Variants in CNTNAP4 observed in about 807,000 individuals in gnomAD.
CNTNAP4 encodes contactin associated protein family member 4.
A neutral mutation model predicts 148.4 loss-of-function variants in CNTNAP4; 98 were observed. The ratio of observed to expected loss-of-function variants is 0.66; its 90% confidence interval spans 0.56 to 0.78. CNTNAP4 has a LOEUF of 0.78. CNTNAP4 is among the 30% of genes least tolerant of loss of function. The pLI is 0.00. For synonymous variants in CNTNAP4, 730 were observed against 565.1 expected (o/e 1.29, Z -4.14); for missense variants, 1,935 against 1,565.6 (o/e 1.24, Z -3.98).
chr16:76,541,162 T>C (rs1355579837), intron 21 of CNTNAP4, among the ~76,000 whole-genome samples: 2 of 152,244 alleles, frequency 1.3e-5, no homozygotes, highest in Non-Finnish European at 2.9e-5. Flanking sequence ...AAACTAAGAT[T>C]AGATTTAAAA....
At chr16:76,526,784 C>T (rs1255671661) in intron 17 of CNTNAP4, among the ~76,000 whole-genome samples, 2 of 152,078 alleles carry the variant, frequency 1.3e-5, no homozygotes, top group Non-Finnish European at 2.9e-5. Context: ...AGGGATTCTC[C>T]CACCTCAGCC....
chr16:76,490,970 G>A (rs1007489686), intron 13 of CNTNAP4, among the ~76,000 whole-genome samples: 1 of 152,028 alleles, frequency 6.6e-6, no homozygotes. Flanking sequence ...AAAGAAATTT[G>A]TTTCGTATAG....
intron 2 of CNTNAP4, among the ~76,000 whole-genome samples, chr16:76,318,063 T>G (rs994017537): frequency 1.5e-4 from 23 of 152,186 alleles, no homozygotes; most frequent in Non-Finnish European, 7.4e-5. Context: ...CCCTGACCCA[T>G]CAGGGGACTT....
At chr16:76,300,599 A>G (rs1959856349) in intron 1 of CNTNAP4, among the ~76,000 whole-genome samples, 1 of 152,350 alleles carries the variant, frequency 6.6e-6, no homozygotes, top group South Asian at 2.1e-4. Flanking sequence ...AAATGAGACC[A>G]ATGTCATCAG....
At position 76,442,182 on chromosome 16, in the gene CNTNAP4, T is replaced by G. The variant is rs149339860; in HGVS notation, c.539-5830T>G. ...AGGGAGAGAGGGAAAGAAAGGAAGA[T>G]TTGAAGATGCTGTGACACTGGTCAC... On this transcript the variant is annotated intron_variant, in intron 4 of 23. Transcript: ENST00000611870. 9.5e-4 allele frequency among the ~76,000 whole-genome samples: 145 copies of G among 151,904 alleles called. 1 individual carries two copies. The highest frequency in any genetic ancestry group is 3.4e-3 in the African/African-American group (139 of 41,400).
chr16:76,477,870 C>T (rs1208742827), intron 11 of CNTNAP4, among the ~76,000 whole-genome samples: 1 of 152,152 alleles, frequency 6.6e-6, no homozygotes, highest in Non-Finnish European at 1.5e-5. Context: ...AACCAAACAA[C>T]TCTGAAGACA....
intron 17 of CNTNAP4, among the ~76,000 whole-genome samples, chr16:76,523,162 G>C (rs999007526): frequency 6.6e-6 from 1 of 151,860 alleles, no homozygotes; most frequent in African/African-American, 2.4e-5. Flanking sequence ...GTTTATCTCT[G>C]TTCTCAGAAT....
intron 10 of CNTNAP4, among the ~76,000 whole-genome samples, chr16:76,470,497 A>ATATATATATATATATATATATAT (rs398119511): frequency 2.0e-4 from 27 of 137,434 alleles, no homozygotes; most frequent in East Asian, 6.2e-4. Context: ...ATATATATAT[A>ATATATATATATATATATATATAT]AAATTAGTCG....
At chr16:76,317,484 C>A (rs1961918436) in intron 2 of CNTNAP4, among the ~76,000 whole-genome samples, 1 of 152,136 alleles carries the variant, frequency 6.6e-6, no homozygotes, top group Non-Finnish European at 1.5e-5. Flanking sequence ...AGGTAAAATT[C>A]ATCTGCACAT....
intron 15 of CNTNAP4, among the ~76,000 whole-genome samples, chr16:76,516,003 C>G (rs928832423): frequency 6.6e-6 from 1 of 152,106 alleles, no homozygotes; most frequent in Admixed American, 6.6e-5. Context: ...TGTGTATGTG[C>G]CACAGGCGTT....
At chr16:76,522,910 C>T (rs1023476037) in intron 17 of CNTNAP4, among the ~76,000 whole-genome samples, 1 of 151,346 alleles carries the variant, frequency 6.6e-6, no homozygotes, top group African/African-American at 2.4e-5. Context: ...TTACAGGTAC[C>T]TACCACTACG....
At chr16:76,299,528 C>A (rs962130801) in intron 1 of CNTNAP4, among the ~76,000 whole-genome samples, 15 of 152,192 alleles carry the variant, frequency 9.9e-5, no homozygotes, top group Non-Finnish European at 1.5e-4. Flanking sequence ...GAAACAGGAA[C>A]ACTTTTACAC....
At chr16:76,530,048 TA>T (rs1024191115) in intron 17 of CNTNAP4, among the ~76,000 whole-genome samples, 2 of 151,816 alleles carry the variant, frequency 1.3e-5, no homozygotes, top group African/African-American at 2.4e-5. Context: ...TTATTTTTTT[TA>T]AAAAAAACTT....
intron 7 of CNTNAP4, among the ~76,000 whole-genome samples, chr16:76,451,656 T>C (rs1236940269): frequency 7.2e-6 from 1 of 138,664 alleles, no homozygotes; most frequent in Non-Finnish European, 1.6e-5. Flanking sequence ...AAAATGAGTT[T>C]CTAGAAACTG....
intron 3 of CNTNAP4, among the ~76,000 whole-genome samples, chr16:76,389,738 T>G (rs987185701): frequency 5.3e-5 from 8 of 152,174 alleles, no homozygotes; most frequent in Non-Finnish European, 1.0e-4. Context: ...AGTGCTGGGA[T>G]TACGGGCGTG....
At chr16:76,531,269 T>C (rs58415337) in intron 17 of CNTNAP4, among the ~76,000 whole-genome samples, 2,986 of 152,202 alleles carry the variant, frequency 0.02, 94 homozygotes, top group African/African-American at 0.068. Flanking sequence ...ACAAAAATAG[T>C]GGAAAATTGG....
At chr16:76,409,176 T>C (rs2078705814) in intron 3 of CNTNAP4, among the ~76,000 whole-genome samples, 1 of 151,984 alleles carries the variant, frequency 6.6e-6, no homozygotes, top group Non-Finnish European at 1.5e-5. Flanking sequence ...TACTGTGTCA[T>C]CAGAATACTA....
At chr16:76,392,680 CAAAG>C (rs1359087704) in intron 3 of CNTNAP4, among the ~76,000 whole-genome samples, 1 of 152,136 alleles carries the variant, frequency 6.6e-6, no homozygotes, top group African/African-American at 2.4e-5. Context: ...CAGTCAAACA[CAAAG>C]AAAACATAAT....
intron 2 of CNTNAP4, among the ~76,000 whole-genome samples, chr16:76,340,885 C>G (rs973899000): frequency 6.6e-6 from 1 of 152,202 alleles, no homozygotes; most frequent in Non-Finnish European, 1.5e-5. Context: ...TTAGAATCCT[C>G]CAGTGGTGCT....
Sources: allele counts gnomAD v4.1 joint callset (sites outside exome capture counted in the v4.1 genomes callset), GRCh38; gene constraint gnomAD v4.1.1; transcripts MANE v1.5; gene names NCBI Gene and HGNC (gene_info 2026-07-23, HGNC 2026-07-21).